The following LRMDA variants were observed in gnomAD, a reference collection of about 807,000 sequenced individuals.
LRMDA encodes the protein leucine rich melanocyte differentiation associated, also known as leucine-rich melanocyte differentiation-associated protein.
LRMDA carries 18 observed loss-of-function variants against 29.8 expected under a neutral mutation model. The ratio of observed to expected loss-of-function variants is 0.60; its 90% CI spans 0.42 to 0.90. LRMDA has a LOEUF of 0.90. LRMDA is among the 40% of genes least tolerant of loss of function. The probability of loss-of-function intolerance (pLI) is 0.00; values close to 1 mark genes in which losing one functional copy is unlikely to be tolerated. For missense variants in LRMDA, 273 were observed against 273.9 expected (o/e 1.00, Z 0.02); for synonymous variants, 125 against 109.4 (o/e 1.14, Z -0.89).
intron 5 of LRMDA, among the ~76,000 whole-genome samples, chr10:76,130,482 G>A (rs1018643325): frequency 2.6e-5 from 4 of 152,096 alleles, no homozygotes; most frequent in Non-Finnish European, 4.4e-5. Context: ...GTTTTGATAC[G>A]TAGACTTTAA....
intron 3 of LRMDA, among the ~76,000 whole-genome samples, chr10:76,039,859 T>C (rs752198234): frequency 4.6e-5 from 7 of 152,192 alleles, no homozygotes; most frequent in Non-Finnish European, 1.0e-4. Context: ...GTTACTATTA[T>C]TGTTGTTGTT....
chr10:76,341,748 T>A (rs1841044604), intron 6 of LRMDA, among the ~76,000 whole-genome samples: 1 of 152,206 alleles, frequency 6.6e-6, no homozygotes, highest in Non-Finnish European at 1.5e-5. Context: ...GGGCCCCCCT[T>A]TCCCTGCATG....
chr10:75,751,122 C>G (rs1048367777), intron 2 of LRMDA, among the ~76,000 whole-genome samples: 1 of 152,194 alleles, frequency 6.6e-6, no homozygotes, highest in East Asian at 1.9e-4. Context: ...GAGACCAGTC[C>G]GGCCAACACG....
chr10:75,438,061 G>A (rs541128489), intron 1 of LRMDA, among the ~76,000 whole-genome samples: 6 of 152,328 alleles, frequency 3.9e-5, no homozygotes, highest in Non-Finnish European at 8.8e-5. Flanking sequence ...AAAAGCCCCT[G>A]AGTGAGAGGG....
intron 5 of LRMDA, among the ~76,000 whole-genome samples, chr10:76,303,764 A>G (rs1207941482): frequency 1.3e-5 from 2 of 149,462 alleles, no homozygotes; most frequent in East Asian, 4.0e-4. Flanking sequence ...ATTTAGTAAC[A>G]CCATTCTGAG....
At chr10:75,909,680 C>T (rs1845813774) in intron 2 of LRMDA, among the ~76,000 whole-genome samples, 1 of 152,002 alleles carries the variant, frequency 6.6e-6, no homozygotes, top group Non-Finnish European at 1.5e-5. Flanking sequence ...AACTTTTTGC[C>T]TCAATTTCTT....
chr10:75,753,140 T>C (rs776380619), intron 2 of LRMDA, among the ~76,000 whole-genome samples: 2 of 152,176 alleles, frequency 1.3e-5, no homozygotes, highest in South Asian at 2.1e-4. Flanking sequence ...AATCTGAAGG[T>C]ACCCTGTTCA....
intron 2 of LRMDA, among the ~76,000 whole-genome samples, chr10:75,526,322 C>T (rs1257135647): frequency 6.6e-6 from 1 of 152,096 alleles, no homozygotes; most frequent in Non-Finnish European, 1.5e-5. Flanking sequence ...GCTTCAGCCT[C>T]CCAAAGTGCT....
chr10:76,366,124 C>T (rs11001752), intron 6 of LRMDA, among the ~76,000 whole-genome samples: 12,370 of 152,088 alleles, frequency 0.081, 765 homozygotes, highest in East Asian at 0.3. Flanking sequence ...ACCAGTACCA[C>T]GCTGTTTTGA....
At chr10:76,453,610 C>T (rs552174480) in intron 6 of LRMDA, among the ~76,000 whole-genome samples, 54 of 152,136 alleles carry the variant, frequency 3.5e-4, no homozygotes, top group Admixed American at 6.5e-4. Flanking sequence ...ATGGATAAAC[C>T]GGTAACCACA....
At chr10:75,795,284 T>C (rs1461819599) in intron 2 of LRMDA, among the ~76,000 whole-genome samples, 2 of 152,050 alleles carry the variant, frequency 1.3e-5, no homozygotes, top group East Asian at 3.9e-4. Flanking sequence ...ATCTCAGTTA[T>C]GCAGAAGGCT....
chr10:76,346,748 A>G (rs1313534234), intron 6 of LRMDA, among the ~76,000 whole-genome samples: 1 of 152,152 alleles, frequency 6.6e-6, no homozygotes, highest in Non-Finnish European at 1.5e-5. Flanking sequence ...ATATGAGGAA[A>G]TTGAAGCTTA....
At chr10:76,518,739 C>T (rs1014955661) in intron 6 of LRMDA, among the ~76,000 whole-genome samples, 3 of 151,974 alleles carry the variant, frequency 2.0e-5, no homozygotes, top group Non-Finnish European at 4.4e-5. Flanking sequence ...ATCTACATAA[C>T]AGTAAAAGAT....
chr10:75,717,420 C>T (rs909713083), intron 2 of LRMDA, among the ~76,000 whole-genome samples: 1 of 152,238 alleles, frequency 6.6e-6, no homozygotes, highest in Middle Eastern at 3.2e-3. Context: ...CAACAGAAGG[C>T]TTGAGCACAT....
intron 5 of LRMDA, among the ~76,000 whole-genome samples, chr10:76,208,087 A>G (rs780939236): frequency 1.5e-4 from 23 of 152,188 alleles, no homozygotes; most frequent in Admixed American, 6.5e-5. Context: ...TGTTTATGCC[A>G]GTTTTTCTTG....
At chr10:76,166,505 T>C (rs1164289209) in intron 5 of LRMDA, among the ~76,000 whole-genome samples, 2 of 152,168 alleles carry the variant, frequency 1.3e-5, no homozygotes, top group Non-Finnish European at 2.9e-5. Context: ...TGTCTGTTCT[T>C]CCTCTCTTAT....
intron 5 of LRMDA, among the ~76,000 whole-genome samples, chr10:76,130,560 T>C (rs1003915406): frequency 6.6e-6 from 1 of 152,228 alleles, no homozygotes; most frequent in Non-Finnish European, 1.5e-5. Context: ...TGTTTTGGCT[T>C]GTGTGAGAAG....
intron 2 of LRMDA, among the ~76,000 whole-genome samples, chr10:75,602,443 G>A (rs1429296751): frequency 6.6e-6 from 1 of 152,160 alleles, no homozygotes; most frequent in African/African-American, 2.4e-5. Context: ...TCAAGGTAGG[G>A]CTGTGTCTTA....
At chr10:76,539,118 A>C (rs949912296) in intron 6 of LRMDA, among the ~76,000 whole-genome samples, 3 of 152,176 alleles carry the variant, frequency 2.0e-5, no homozygotes, top group Admixed American at 2.0e-4. Context: ...GAGACTAGCC[A>C]CTTCTTAGAA....
Sources: gnomAD v4.1 joint callset for allele counts (sites outside exome capture counted in the v4.1 genomes callset) on GRCh38, gnomAD v4.1.1 for gene constraint, MANE v1.5 for transcripts, NCBI Gene and HGNC (gene_info 2026-07-23, HGNC 2026-07-21) for gene names.